The following CTNNA3 variants were observed in gnomAD, a reference collection of about 807,000 sequenced individuals.
CTNNA3 encodes the protein catenin alpha 3, also known as catenin alpha-3.
A neutral mutation model predicts 95.7 loss-of-function variants in CTNNA3; 76 were observed. The ratio of observed to expected loss-of-function variants is 0.79; its 90% confidence interval spans 0.66 to 0.96. CTNNA3 has a LOEUF of 0.96. Among genes scored for constraint, CTNNA3 ranks in the 40% least tolerant of loss-of-function variants. The probability of loss-of-function intolerance (pLI) is 0.00; values close to 1 mark genes in which losing one functional copy is unlikely to be tolerated. For missense variants in CTNNA3, 1,191 were observed against 1,089.8 expected, an observed-to-expected ratio of 1.09 and a Z score of -1.31; for synonymous variants, 431 against 374.4, an observed-to-expected ratio of 1.15 and a Z score of -1.74.
At chr10:66,515,329 G>GTCTCTC (rs373915427) in intron 11 of CTNNA3, among the ~76,000 whole-genome samples, 4 of 128,102 alleles carry the variant, frequency 3.1e-5, no homozygotes, top group African/African-American at 1.2e-4. Flanking sequence ...CTCCCTCTCT[G>GTCTCTC]TCTCTCTCTC....
chr10:66,923,824 T>C (rs1846921236), intron 7 of CTNNA3, among the ~76,000 whole-genome samples: 1 of 152,210 alleles, frequency 6.6e-6, no homozygotes, highest in African/African-American at 2.4e-5. Flanking sequence ...GAACATTACA[T>C]AATCAGTTAT....
At chr10:66,971,435 A>T (rs1849720456) in intron 7 of CTNNA3, among the ~76,000 whole-genome samples, 1 of 152,144 alleles carries the variant, frequency 6.6e-6, no homozygotes, top group South Asian at 2.1e-4. Flanking sequence ...TCAAAAAAAA[A>T]AATACATACA....
intron 11 of CTNNA3, among the ~76,000 whole-genome samples, chr10:66,381,444 C>T (rs1157360178): frequency 6.6e-6 from 1 of 152,146 alleles, no homozygotes; most frequent in Non-Finnish European, 1.5e-5. Flanking sequence ...AAATATCTCT[C>T]TAGTAGAATT....
At chr10:67,318,650 C>CT (rs1732956365) in intron 5 of CTNNA3, among the ~76,000 whole-genome samples, 1 of 152,204 alleles carries the variant, frequency 6.6e-6, no homozygotes, top group South Asian at 2.1e-4. Flanking sequence ...GACAAGCAGA[C>CT]TATCAACTTA....
intron 9 of CTNNA3, among the ~76,000 whole-genome samples, chr10:66,710,943 A>G (rs1848271766): frequency 6.6e-6 from 1 of 152,122 alleles, no homozygotes; most frequent in Non-Finnish European, 1.5e-5. Flanking sequence ...TCTATAAAAC[A>G]TCTTTTAAAT....
At chr10:66,561,688 C>T (rs1456342335) in intron 10 of CTNNA3, among the ~76,000 whole-genome samples, 1 of 151,984 alleles carries the variant, frequency 6.6e-6, no homozygotes, top group Admixed American at 6.6e-5. Context: ...GATTGTGGAC[C>T]TGGATGAACA....
intron 5 of CTNNA3, among the ~76,000 whole-genome samples, chr10:67,372,241 A>G (rs1014023887): frequency 1.3e-5 from 2 of 152,060 alleles, no homozygotes; most frequent in Non-Finnish European, 2.9e-5. Context: ...ATTAGATCCC[A>G]TTTGTCAATT....
rs1167268390 is a variant in CTNNA3, at chr10:66,927,907, A to C, written c.1048-152383T>G. 1 of 1,614,120 alleles carries C rather than the reference A, an allele frequency of 6.2e-7. No individual in the cohort carries two copies. Among genetic ancestry groups the C allele is most frequent in the Admixed American group, 1.7e-5 (1 of 60,016 alleles). On this transcript the variant is annotated intron_variant, in intron 7 of 17. Transcript: ENST00000433211. The surrounding 1 kb of genome is among the most constrained non-coding windows in gnomAD (Gnocchi z 4.7). Reference sequence around the variant, plus strand: ...CCTTGTAAACTGGCTGAAAAGTTTTAAAGGTCTAAGGGAGAATACAATTAT... The same window carrying C: ...CCTTGTAAACTGGCTGAAAAGTTTTCAAGGTCTAAGGGAGAATACAATTAT...
chr10:66,816,780 G>T (rs1042620505), intron 7 of CTNNA3, among the ~76,000 whole-genome samples: 2 of 151,982 alleles, frequency 1.3e-5, no homozygotes, highest in Non-Finnish European at 2.9e-5. Context: ...GTTAGGCAGT[G>T]AAAAAGCCTC....
At chr10:66,785,297 G>A (rs1840698246) in intron 7 of CTNNA3, among the ~76,000 whole-genome samples, 1 of 152,136 alleles carries the variant, frequency 6.6e-6, no homozygotes, top group Admixed American at 6.5e-5. Flanking sequence ...AAGATACCTA[G>A]GTAACTGGTA....
At chr10:66,084,358 A>G (rs2080897023) in intron 14 of CTNNA3, among the ~76,000 whole-genome samples, 1 of 151,994 alleles carries the variant, frequency 6.6e-6, no homozygotes, top group African/African-American at 2.4e-5. Context: ...CCATAAATAC[A>G]TACACCTATC....
chr10:66,240,574 T>C (rs16922687), intron 13 of CTNNA3, among the ~76,000 whole-genome samples: 32,552 of 152,026 alleles, frequency 0.21, 3,676 homozygotes, highest in South Asian at 0.29. Flanking sequence ...TGCTCTTTGT[T>C]AACCTTTTTT....
chr10:66,139,801 C>G (rs1204103082), intron 13 of CTNNA3, among the ~76,000 whole-genome samples: 3 of 152,094 alleles, frequency 2.0e-5, no homozygotes, highest in Non-Finnish European at 2.9e-5. Context: ...ACATAGAAAT[C>G]CAGCCTCAGT....
chr10:67,247,076 C>T (rs1865935916), intron 5 of CTNNA3, among the ~76,000 whole-genome samples: 1 of 152,146 alleles, frequency 6.6e-6, no homozygotes, highest in Non-Finnish European at 1.5e-5. Context: ...GAATGCCTTC[C>T]TCCTTAAAAT....
At chr10:67,704,052 A>G (rs1841061718) in intron 1 of CTNNA3, among the ~76,000 whole-genome samples, 1 of 152,234 alleles carries the variant, frequency 6.6e-6, no homozygotes, top group Non-Finnish European at 1.5e-5. Context: ...TAAAATACCT[A>G]GGAATCCAAC....
chr10:67,361,446 A>G (rs1227534534), intron 5 of CTNNA3, among the ~76,000 whole-genome samples: 1 of 152,214 alleles, frequency 6.6e-6, no homozygotes, highest in Admixed American at 6.6e-5. Context: ...CAATGCAATA[A>G]AAACAAATCA....
At chr10:67,329,883 A>G (rs537551037) in intron 5 of CTNNA3, among the ~76,000 whole-genome samples, 1 of 152,314 alleles carries the variant, frequency 6.6e-6, no homozygotes, top group Non-Finnish European at 1.5e-5. Context: ...TCTGCTTTAT[A>G]AAATACCTAG....
chr10:66,989,981 TAC>T (rs1850955146), intron 7 of CTNNA3, among the ~76,000 whole-genome samples: 2 of 152,312 alleles, frequency 1.3e-5, no homozygotes, highest in East Asian at 3.9e-4. Context: ...TCTTAGTTTA[TAC>T]ACACATTTTC....
intron 10 of CTNNA3, among the ~76,000 whole-genome samples, chr10:66,532,177 A>T (rs186157784): frequency 3.9e-5 from 6 of 152,214 alleles, no homozygotes; most frequent in Middle Eastern, 3.4e-3. Context: ...AAAAGAAAAA[A>T]CAAGGCCTGG....
Sources: allele counts gnomAD v4.1 joint callset (sites outside exome capture counted in the v4.1 genomes callset), GRCh38; gene constraint gnomAD v4.1.1; non-coding constraint Gnocchi (gnomAD v3.1); transcripts MANE v1.5; gene names NCBI Gene and HGNC (gene_info 2026-07-23, HGNC 2026-07-21).